B3GLCT: variants seen among roughly 807,000 people sequenced by gnomAD.
B3GLCT encodes the protein beta-1,3-glucosyltransferase.
A neutral mutation model predicts 63.4 loss-of-function variants in B3GLCT; 65 were observed. The ratio of observed to expected loss-of-function variants is 1.03; its 90% confidence interval spans 0.84 to 1.26. The LOEUF (loss-of-function observed/expected upper bound fraction) is 1.26. B3GLCT is among the 50% of genes most tolerant of loss of function. The pLI is 0.00. For missense variants in B3GLCT, 577 were observed against 604.8 expected (o/e 0.95, Z 0.48); for synonymous variants, 233 against 219.2 (o/e 1.06, Z -0.55).
intron 4 of B3GLCT, among the ~76,000 whole-genome samples, chr13:31,244,635 C>T (rs779879461): frequency 2.0e-5 from 3 of 152,028 alleles, no homozygotes; most frequent in South Asian, 4.2e-4. Flanking sequence ...GAGATAAGAT[C>T]ATTTGATAGA....
intron 12 of B3GLCT, among the ~76,000 whole-genome samples, chr13:31,301,077 C>T (rs1414449288): frequency 6.6e-6 from 1 of 152,210 alleles, no homozygotes; most frequent in Non-Finnish European, 1.5e-5. Flanking sequence ...AAATTTCTCT[C>T]ACTGTCATAA....
At chr13:31,252,417 G>T (rs1871474517) in intron 6 of B3GLCT, among the ~76,000 whole-genome samples, 1 of 152,170 alleles carries the variant, frequency 6.6e-6, no homozygotes, top group Admixed American at 6.5e-5. Flanking sequence ...AAAAGACACA[G>T]ACTGGCAAAT....
intron 12 of B3GLCT, among the ~76,000 whole-genome samples, chr13:31,316,527 A>G (rs1875041478): frequency 1.3e-5 from 2 of 148,594 alleles, no homozygotes; most frequent in African/African-American, 4.9e-5. Context: ...TTTAATATTT[A>G]ATGATTGCCT....
chr13:31,225,763 T>TC (rs1384582111), intron 3 of B3GLCT, among the ~76,000 whole-genome samples: 7 of 152,094 alleles, frequency 4.6e-5, no homozygotes, highest in East Asian at 3.9e-4. Flanking sequence ...ACCCCTTTTT[T>TC]CCCCCATCTT....
intron 13 of B3GLCT, among the ~76,000 whole-genome samples, chr13:31,318,630 G>T (rs1875178653): frequency 6.6e-6 from 1 of 152,178 alleles, no homozygotes; most frequent in African/African-American, 2.4e-5. Context: ...GGGGAGTCCA[G>T]GGAGGCCTTT....
At chr13:31,256,136 A>G (rs1871726940) in intron 6 of B3GLCT, among the ~76,000 whole-genome samples, 1 of 152,258 alleles carries the variant, frequency 6.6e-6, no homozygotes, top group African/African-American at 2.4e-5. Context: ...GGATGTGAAC[A>G]GACAATTCTC....
At position 31,284,737 on chromosome 13, in the gene B3GLCT, T is replaced by C. The variant is rs1233514712; in HGVS notation, c.940T>C (p.Leu314=). 1.3e-6 allele frequency: 2 copies of C among 1,591,616 alleles called. No individual in the cohort carries two copies. Among genetic ancestry groups the C allele is most frequent in the South Asian group, 2.2e-5 (2 of 90,582 alleles). ...YTENSIPTVD[L]GIPNTDRGHC... ...TGAAAATTCCATTCCTACTGTGGAT[T>C]TGGGAATTCCTAATACAGATAGAGG... Residue 314 remains leucine, a synonymous_variant, in exon 11 of 15, where the codon TTG becomes CTG. Coordinates refer to ENST00000343307, the MANE Select transcript of B3GLCT (RefSeq NM_194318.4).
intron 1 of B3GLCT, 138 bp from the exon 2 acceptor site, chr13:31,214,913 C>T: frequency 2.6e-6 from 2 of 756,116 alleles, no homozygotes; most frequent in Non-Finnish European, 4.3e-6. Flanking sequence ...AAGTTTGCAG[C>T]AATGCAGCTG....
rs140412321 is a variant in B3GLCT at position 31,297,832 on chromosome 13, T to C, written c.1064+11013T>C. Among the ~76,000 whole-genome samples, 158 of 152,290 alleles carry C rather than the reference T, an allele frequency of 1.0e-3. 2 individuals are homozygous for C. The East Asian group carries it at 0.011, about 10-fold the overall frequency. ...GCTCTCAGAACTCAGGGAAATACTT[T>C]CTCACATTTACCAGTTTATTATAAA... On this transcript the variant is annotated intron_variant, in intron 12 of 14. Transcript: ENST00000343307.
chr13:31,287,927 T>C (rs1380296003), intron 12 of B3GLCT, among the ~76,000 whole-genome samples: 1 of 152,172 alleles, frequency 6.6e-6, no homozygotes, highest in Non-Finnish European at 1.5e-5. Flanking sequence ...CTCGAAGACA[T>C]TGCAATAATA....
At position 31,332,256 on chromosome 13, in the gene B3GLCT, AACTT is replaced by A. The variant is rs1457181147; in HGVS notation, c.*2589_*2592del. On this transcript the variant is annotated 3_prime_UTR_variant, in exon 15 of 15. Coordinates refer to ENST00000343307, the MANE Select transcript of B3GLCT (RefSeq NM_194318.4). The stretch of plus-strand genomic sequence containing the variant: ...ATGTAATTTGTATGGACTAAATAAA[AACTT>A]TATTATGTAATGAAAAGTTGAACAC... 1 of 152,158 alleles carries A rather than the reference AACTT, an allele frequency of 6.6e-6. No individual in the cohort carries two copies. Among genetic ancestry groups the A allele is most frequent in the African/African-American group, 2.4e-5 (1 of 41,450 alleles). The allele number at this position is 152,158 out of a possible 1,614,324, so 9.4% of individuals were successfully genotyped here. A position where few individuals can be genotyped will look rare whatever the true frequency, so the allele number is the denominator to read the frequency against.
rs1869898405 is a variant in B3GLCT, at chr13:31,223,002, A to T, written c.160+11A>T. The T allele has an allele frequency of 1.4e-6, 2 of 1,471,894 alleles. No homozygotes were observed. The allele number at this position is 1,471,894 out of a possible 1,614,324, so 91.2% of individuals were successfully genotyped here. A position where few individuals can be genotyped will look rare whatever the true frequency, so the allele number is the denominator to read the frequency against. On this transcript the variant is annotated intron_variant, in intron 3 of 14. Coordinates refer to ENST00000343307, the MANE Select transcript of B3GLCT (RefSeq NM_194318.4). ...GGAAAAATGACATAGGTAAGTAATG[A>T]TTTTTTTTACCTAAGAGTGTGTACT...
intron 1 of B3GLCT, among the ~76,000 whole-genome samples, chr13:31,201,773 C>T (rs888062547): frequency 1.5e-4 from 23 of 152,260 alleles, no homozygotes; most frequent in Middle Eastern, 3.4e-3. Context: ...GGAATATTTG[C>T]ACTGTCCAAA....
chr13:31,259,039 T>G (rs920361573), intron 6 of B3GLCT, among the ~76,000 whole-genome samples: 1 of 152,206 alleles, frequency 6.6e-6, no homozygotes, highest in African/African-American at 2.4e-5. Context: ...TTCTCTGCTA[T>G]TGTGTTTAAT....
intron 12 of B3GLCT, among the ~76,000 whole-genome samples, chr13:31,314,658 G>T (rs1420911166): frequency 6.6e-6 from 1 of 152,212 alleles, no homozygotes; most frequent in Non-Finnish European, 1.5e-5. Context: ...TGTCTCAGAT[G>T]AGACACTGGA....
At chr13:31,256,100 AAG>A (rs1241889987) in intron 6 of B3GLCT, among the ~76,000 whole-genome samples, 1 of 152,228 alleles carries the variant, frequency 6.6e-6, no homozygotes, top group African/African-American at 2.4e-5. Context: ...ATTTACGAGA[AAG>A]AACGCCATCA....
intron 12 of B3GLCT, among the ~76,000 whole-genome samples, chr13:31,287,097 G>A (rs1402284791): frequency 1.3e-5 from 2 of 152,216 alleles, no homozygotes; most frequent in African/African-American, 4.8e-5. Context: ...CCAAGTTACT[G>A]CTTAGGGAGG....
intron 14 of B3GLCT, among the ~76,000 whole-genome samples, chr13:31,324,485 TG>T (rs1184963792): frequency 1.4e-4 from 21 of 152,296 alleles, no homozygotes; most frequent in African/African-American, 5.1e-4. Context: ...TATTGCAGTT[TG>T]GGGGTTGGAG....
At chr13:31,223,055 C>G in intron 3 of B3GLCT, 64 bp downstream of exon 3, 1 of 1,077,570 alleles carries the variant, frequency 9.3e-7, no homozygotes. Context: ...AATTATATTT[C>G]CATGAAGTGA....
Sources: gnomAD v4.1 joint callset for allele counts (sites outside exome capture counted in the v4.1 genomes callset) on GRCh38, gnomAD v4.1.1 for gene constraint, MANE v1.5 for transcripts, NCBI Gene and HGNC (gene_info 2026-07-23, HGNC 2026-07-21) for gene names.